RASGRP3: variants seen among roughly 807,000 people sequenced by gnomAD.
The protein encoded by RASGRP3 is RAS guanyl releasing protein 3, also known as ras guanyl-releasing protein 3.
RASGRP3 carries 54 observed loss-of-function variants against 82.7 expected under a neutral mutation model. The ratio of observed to expected loss-of-function variants is 0.65; its 90% CI spans 0.52 to 0.82. The LOEUF is 0.82. Ranked by LOEUF, RASGRP3 falls within the 40% of genes least tolerant of loss-of-function variation. The probability of loss-of-function intolerance (pLI) is 0.00; values close to 1 mark genes in which losing one functional copy is unlikely to be tolerated. For synonymous variants in RASGRP3, 309 were observed against 300.5 expected (o/e 1.03, Z -0.29); for missense variants, 861 against 828.9 (o/e 1.04, Z -0.48).
chr2:33,520,521 T>G (rs1223647977), intron 5 of RASGRP3, 32 bp from the exon 6 acceptor site: 1 of 1,611,376 alleles, frequency 6.2e-7, no homozygotes, highest in Non-Finnish European at 8.5e-7. Flanking sequence ...CTTGCAATCT[T>G]CCAGCTGCCA....
intron 2 of RASGRP3, among the ~76,000 whole-genome samples, chr2:33,459,136 T>A (rs918439422): frequency 1.3e-5 from 2 of 151,282 alleles, no homozygotes; most frequent in Non-Finnish European, 3.0e-5. Context: ...TTCTCGGACT[T>A]TTTTTTTTGA....
intron 2 of RASGRP3, among the ~76,000 whole-genome samples, chr2:33,454,122 C>G (rs1023117790): frequency 6.6e-6 from 1 of 151,480 alleles, no homozygotes; most frequent in Admixed American, 6.6e-5. Flanking sequence ...TGATTTAACA[C>G]TGATGTCAAG....
At chr2:33,542,932 A>T (rs1374195660) in intron 12 of RASGRP3, among the ~76,000 whole-genome samples, 2 of 152,122 alleles carry the variant, frequency 1.3e-5, no homozygotes, top group East Asian at 3.8e-4. Context: ...ACCTCAGGTG[A>T]TCCACCTGCT....
chr2:33,436,597 T>C (rs1664936160), intron 1 of RASGRP3: 1 of 152,318 alleles, frequency 6.6e-6, no homozygotes, highest in South Asian at 2.1e-4. Flanking sequence ...CAAAGGTAAG[T>C]GTCATTTAAA....
intron 1 of RASGRP3, among the ~76,000 whole-genome samples, chr2:33,485,831 A>T (rs1668322415): frequency 6.6e-6 from 1 of 152,212 alleles, no homozygotes; most frequent in African/African-American, 2.4e-5. Context: ...TAAGCCAATG[A>T]TGGTGGATTT....
chr2:33,558,110 CTG>C (rs1438488378), intron 15 of RASGRP3, 99 bp from the exon 16 acceptor site: 8 of 1,442,804 alleles, frequency 5.5e-6, no homozygotes, highest in Non-Finnish European at 6.6e-6. Flanking sequence ...AACACAGAAA[CTG>C]GGGTGGGGGA....
chr2:33,475,547 C>G (rs1259085295), upstream of RASGRP3, among the ~76,000 whole-genome samples: 3 of 152,182 alleles, frequency 2.0e-5, no homozygotes, highest in Non-Finnish European at 4.4e-5. Flanking sequence ...TGGATGTTCA[C>G]TTTGCCAAAT....
At chr2:33,536,199 GGCT>G (rs1436140279) in intron 11 of RASGRP3, among the ~76,000 whole-genome samples, 4 of 151,856 alleles carry the variant, frequency 2.6e-5, no homozygotes, top group African/African-American at 9.7e-5. Context: ...CTACTTAGGA[GGCT>G]GAGGCGGGAG....
Position 33,515,069 on chromosome 2 carries a change from C to A in RASGRP3, c.-68C>A. The A allele has an allele frequency of 4.1e-6, 6 of 1,463,518 alleles. No individual in the cohort carries two copies. The highest frequency in any genetic ancestry group is 5.8e-6 in the Non-Finnish European group (6 of 1,043,030). 90.7% of individuals were successfully genotyped at this position (1,463,518 alleles called of 1,614,324 possible). A position where few individuals can be genotyped will look rare whatever the true frequency, so the allele number is the denominator to read the frequency against. On this transcript the variant is annotated 5_prime_UTR_variant, in exon 3 of 18. Transcript: ENST00000403687. Reference sequence around the variant, plus strand: ...ACTAGGCACTAACATCGCTGACTTGCATGATTATGGAGATGGTCTATCTGA... The same window carrying A: ...ACTAGGCACTAACATCGCTGACTTGAATGATTATGGAGATGGTCTATCTGA...
intron 2 of RASGRP3, among the ~76,000 whole-genome samples, chr2:33,512,624 G>C (rs1671037444): frequency 6.6e-6 from 1 of 152,160 alleles, no homozygotes; most frequent in Non-Finnish European, 1.5e-5. Context: ...AGCTGATTTA[G>C]TAAACAAACT....
At chr2:33,467,032 C>T (rs1666736939) in intron 2 of RASGRP3, among the ~76,000 whole-genome samples, 2 of 151,550 alleles carry the variant, frequency 1.3e-5, no homozygotes, top group South Asian at 4.2e-4. Flanking sequence ...GTGTTTTGCA[C>T]AGGTGTTAGC....
intron 2 of RASGRP3, among the ~76,000 whole-genome samples, chr2:33,512,687 C>T (rs1400844920): frequency 6.6e-6 from 1 of 152,196 alleles, no homozygotes; most frequent in African/African-American, 2.4e-5. Flanking sequence ...CATAAATATA[C>T]TCATATTCAA....
At chr2:33,557,360 A>T (rs1421010487) in intron 15 of RASGRP3, among the ~76,000 whole-genome samples, 2 of 152,224 alleles carry the variant, frequency 1.3e-5, no homozygotes, top group East Asian at 3.8e-4. Flanking sequence ...TTCTGTTGGA[A>T]GCAGAAGATA....
chr2:33,470,883 G>T (rs563889335), intron 2 of RASGRP3, among the ~76,000 whole-genome samples: 1 of 152,116 alleles, frequency 6.6e-6, no homozygotes, highest in Admixed American at 6.5e-5. Context: ...TACTCAATCT[G>T]CAGGTTGAAT....
rs372058340 is a variant in RASGRP3, at chr2:33,440,813, T to G, written c.-385+4222T>G. 9.8e-5 allele frequency among the ~76,000 whole-genome samples: 15 copies of G among 152,334 alleles called. No individual in the cohort carries two copies. In the South Asian group the frequency reaches 3.1e-3, roughly 32 times the overall value. On this transcript the variant is annotated intron_variant, in intron 1 of 18. Coordinates refer to the RASGRP3 transcript ENST00000402538. The stretch of plus-strand genomic sequence containing the variant: ...TATGACATGTGTGGCTAAAACATAC[T>G]TATTTTACAAAAATCCCGAATACAA...
intron 13 of RASGRP3, among the ~76,000 whole-genome samples, 172 bp from the exon 14 acceptor site, chr2:33,549,432 A>G (rs567388038): frequency 6.6e-6 from 1 of 152,262 alleles, no homozygotes; most frequent in Admixed American, 6.5e-5. Context: ...AAGGCTTTGA[A>G]CACCTGAAGA....
chr2:33,436,394 C>T (rs1378436932), exon 1 of RASGRP3: 1 of 152,210 alleles, frequency 6.6e-6, no homozygotes, highest in Non-Finnish European at 1.5e-5. Flanking sequence ...TAGGCATAAA[C>T]AGCTTGCAAA....
At chr2:33,438,086 A>G (rs960214060) in intron 1 of RASGRP3, among the ~76,000 whole-genome samples, 1 of 152,256 alleles carries the variant, frequency 6.6e-6, no homozygotes, top group African/African-American at 2.4e-5. Context: ...TTAGAGTTTC[A>G]AAACAACGTT....
intron 10 of RASGRP3, 90 bp from the exon 11 acceptor site, chr2:33,534,233 T>A (rs1251737981): frequency 5.8e-6 from 5 of 864,640 alleles, no homozygotes; most frequent in Non-Finnish European, 9.5e-6. Context: ...GACAGTGAAC[T>A]TAAAACATTC....
Sources: allele counts gnomAD v4.1 joint callset (sites outside exome capture counted in the v4.1 genomes callset), GRCh38; gene constraint gnomAD v4.1.1; transcripts MANE v1.5; gene names NCBI Gene and HGNC (gene_info 2026-07-23, HGNC 2026-07-21).